The following THRAP3 variants were observed in gnomAD, a reference collection of about 807,000 sequenced individuals.
THRAP3 encodes thyroid hormone receptor-associated protein 3.
Under a neutral mutation model 101.0 loss-of-function variants are expected in THRAP3, and 16 were observed. The ratio of observed to expected loss-of-function variants is 0.16; its 90% CI spans 0.11 to 0.24. The LOEUF is 0.24. Ranked by LOEUF, THRAP3 falls within the 10% of genes least tolerant of loss-of-function variation. The pLI is 1.00. For missense variants in THRAP3, 989 were observed against 1,202.7 expected, an observed-to-expected ratio of 0.82 and a Z score of 2.63; for synonymous variants, 407 against 422.6, an observed-to-expected ratio of 0.96 and a Z score of 0.45.
At chr1:36,296,539 G>T (rs1557457421) in intron 8 of THRAP3, 44 bp from the exon 9 acceptor site, 1 of 1,474,640 alleles carries the variant, frequency 6.8e-7, no homozygotes, top group Non-Finnish European at 9.0e-7. Context: ...TGAGTTGACA[G>T]CTCTGAATCC....
intron 1 of THRAP3, among the ~76,000 whole-genome samples, chr1:36,228,509 G>A (rs1389200643): frequency 2.6e-5 from 4 of 152,172 alleles, no homozygotes; most frequent in Non-Finnish European, 4.4e-5. Context: ...GTGAGCCAGC[G>A]CATCTGGCCT....
chr1:36,302,278 T>A (rs1646039554), intron 11 of THRAP3, among the ~76,000 whole-genome samples: 1 of 152,162 alleles, frequency 6.6e-6, no homozygotes, highest in Admixed American at 6.6e-5. Context: ...TCCAAGCTGG[T>A]GTGAGTGTTA....
At chr1:36,213,947 GAAAGAAAGAAA>G in the THRAP3 span, among the ~76,000 whole-genome samples, 1 of 118,988 alleles carries the variant, frequency 8.4e-6, no homozygotes, top group Non-Finnish European at 1.7e-5. Context: ...AAGAAAGAAA[GAAAGAAAGAAA>G]GAAGGAAAGA....
At chr1:36,261,881 T>C (rs1304896079) in intron 2 of THRAP3, among the ~76,000 whole-genome samples, 2 of 152,222 alleles carry the variant, frequency 1.3e-5, no homozygotes, top group Admixed American at 6.6e-5. Flanking sequence ...CCCAAACTCA[T>C]GTGGAGAGTT....
At chr1:36,265,000 G>C (rs1413062711) in intron 2 of THRAP3, among the ~76,000 whole-genome samples, 1 of 152,046 alleles carries the variant, frequency 6.6e-6, no homozygotes, top group African/African-American at 2.4e-5. Context: ...CGCATATCAG[G>C]TTCCAAATTT....
At chr1:36,241,192 CAA>C (rs35954224) in intron 1 of THRAP3, among the ~76,000 whole-genome samples, 4 of 123,304 alleles carry the variant, frequency 3.2e-5, no homozygotes, top group Non-Finnish European at 3.3e-5. Context: ...GACTCCGTTT[CAA>C]AAAAAAAAAA....
At chr1:36,294,751 G>A (rs1645923487) in intron 8 of THRAP3, among the ~76,000 whole-genome samples, 2 of 152,192 alleles carry the variant, frequency 1.3e-5, no homozygotes, top group Middle Eastern at 3.4e-3. Flanking sequence ...TACTAGCCAT[G>A]TAAAACCCAA....
intron 5 of THRAP3, among the ~76,000 whole-genome samples, chr1:36,290,511 G>C (rs1310961386): frequency 6.6e-6 from 1 of 151,946 alleles, no homozygotes; most frequent in African/African-American, 2.4e-5. Context: ...TGTCACCCAG[G>C]CTGGCGTGCA....
intron 8 of THRAP3, among the ~76,000 whole-genome samples, chr1:36,295,578 C>CCCTCCTCCCTTCCTTCCT (rs1570346193): frequency 7.3e-5 from 3 of 41,344 alleles, no homozygotes; most frequent in African/African-American, 3.3e-4. Flanking sequence ...CCTTCCTTCC[C>CCCTCCTCCCTTCCTTCCT]TCCTCCCTTC....
intron 1 of THRAP3, among the ~76,000 whole-genome samples, chr1:36,259,097 T>A (rs1404942351): frequency 2.0e-5 from 3 of 152,218 alleles, no homozygotes; most frequent in African/African-American, 7.2e-5. Flanking sequence ...TTGTGGAGCT[T>A]GTGAATTAGT....
intron 2 of THRAP3, among the ~76,000 whole-genome samples, chr1:36,276,761 G>A (rs1645665869): frequency 6.6e-6 from 1 of 151,362 alleles, no homozygotes; most frequent in Admixed American, 6.6e-5. Flanking sequence ...AGAGGCTGAG[G>A]CAAGAGAATC....
At chr1:36,288,062 C>T (rs1221282139) in intron 4 of THRAP3, 1 of 980,146 alleles carries the variant, frequency 1.0e-6, no homozygotes, top group East Asian at 1.1e-4. Flanking sequence ...TGTATTAACA[C>T]GACTTTGACT....
Position 36,304,157 on chromosome 1 carries a change from C to A in THRAP3, c.*140C>A. ...ACCAGCCGCACAGATTGTACTACCG[C>A]GAGAGGCATCCCTGGCGCTGTCTCC... On this transcript the variant is annotated 3_prime_UTR_variant, in exon 12 of 12. Transcript: ENST00000354618. 1.8e-5 allele frequency: 23 copies of A among 1,287,686 alleles called. No individual in the cohort carries two copies. The highest frequency in any genetic ancestry group is 2.4e-5 in the Non-Finnish European group (23 of 968,312). 79.8% of individuals were successfully genotyped at this position (1,287,686 alleles called of 1,614,324 possible). A position where few individuals can be genotyped will look rare whatever the true frequency, so the allele number is the denominator to read the frequency against.
At chr1:36,233,949 C>G (rs1353994192) in intron 1 of THRAP3, among the ~76,000 whole-genome samples, 1 of 152,016 alleles carries the variant, frequency 6.6e-6, no homozygotes, top group Non-Finnish European at 1.5e-5. Flanking sequence ...CTTAACATTT[C>G]ATTTTTTCTT....
Position 36,277,396 on chromosome 1 carries a change from C to T in THRAP3, c.-31-5137C>T, listed in dbSNP as rs911297054. Among the ~76,000 whole-genome samples the T allele has an allele frequency of 5.9e-5, 9 of 151,878 alleles. No homozygotes were observed. The East Asian group carries it at 9.7e-4, about 16-fold the overall frequency. ...TGTATATTTAGTAGAGATAGGGTTT[C>T]GCCATGTTGGTCAGGCTGGTCTCGA... On this transcript the variant is annotated intron_variant, in intron 2 of 11. Transcript: ENST00000354618.
At chr1:36,260,532 G>A (rs1364840047) in intron 2 of THRAP3, among the ~76,000 whole-genome samples, 1 of 151,928 alleles carries the variant, frequency 6.6e-6, no homozygotes. Flanking sequence ...AACATTAATT[G>A]TCACTCTGGG....
At chr1:36,228,337 C>T (rs1012699674) in intron 1 of THRAP3, among the ~76,000 whole-genome samples, 2 of 152,214 alleles carry the variant, frequency 1.3e-5, no homozygotes, top group Non-Finnish European at 2.9e-5. Context: ...CCAGCCTCAG[C>T]ATCCCAAATA....
chr1:36,298,146 C>CAAAAAA (rs10653561), intron 9 of THRAP3, among the ~76,000 whole-genome samples: 2 of 95,980 alleles, frequency 2.1e-5, no homozygotes, highest in Admixed American at 1.2e-4. Context: ...GACTTCATCT[C>CAAAAAA]AAAAAAAAAA....
At chr1:36,294,734 A>T (rs2124627878) in intron 8 of THRAP3, among the ~76,000 whole-genome samples, 1 of 152,266 alleles carries the variant, frequency 6.6e-6, no homozygotes, top group Non-Finnish European at 1.5e-5. Flanking sequence ...CCCCTTCTCC[A>T]GCTTTGTACT....
Sources: allele counts gnomAD v4.1 joint callset (sites outside exome capture counted in the v4.1 genomes callset), GRCh38; gene constraint gnomAD v4.1.1; transcripts MANE v1.5; gene names NCBI Gene and HGNC (gene_info 2026-07-23, HGNC 2026-07-21).